The following NMNAT3 variants were observed in gnomAD, a reference collection of about 807,000 sequenced individuals.
NMNAT3 encodes the protein nicotinamide nucleotide adenylyltransferase 3, also known as nicotinamide/nicotinic acid mononucleotide adenylyltransferase 3.
NMNAT3 carries 21 observed loss-of-function variants against 24.8 expected under a neutral mutation model. The ratio of observed to expected loss-of-function variants is 0.85; its 90% CI spans 0.60 to 1.22. NMNAT3 has a LOEUF of 1.22. NMNAT3 is among the 50% of genes most tolerant of loss of function. The pLI, the probability that NMNAT3 is intolerant of heterozygous loss-of-function variation, is 0.00. For missense variants in NMNAT3, 387 were observed against 436.6 expected (o/e 0.89, Z 1.01); for synonymous variants, 136 against 155.2 (o/e 0.88, Z 0.92).
chr3:139,630,535 C>T (rs567036272), intron 2 of NMNAT3, among the ~76,000 whole-genome samples: 1 of 152,276 alleles, frequency 6.6e-6, no homozygotes, highest in South Asian at 2.1e-4. Flanking sequence ...ACAGTAAACC[C>T]TTTAGGAAGG....
intron 5 of NMNAT3, among the ~76,000 whole-genome samples, chr3:139,575,114 C>T (rs1004700836): frequency 6.6e-6 from 1 of 152,130 alleles, no homozygotes; most frequent in African/African-American, 2.4e-5. Context: ...TGAAAAGGGA[C>T]CCCACGGAAT....
chr3:139,654,026 A>G (rs1197390305), intron 1 of NMNAT3, among the ~76,000 whole-genome samples: 2 of 152,192 alleles, frequency 1.3e-5, no homozygotes, highest in African/African-American at 2.4e-5. Context: ...AGTAGAGTAC[A>G]GAGCACACAC....
At chr3:139,596,947 TATATATATATATATATA>T (rs1559891127) in intron 3 of NMNAT3, among the ~76,000 whole-genome samples, 34 of 129,330 alleles carry the variant, frequency 2.6e-4, no homozygotes, top group East Asian at 4.2e-4. Flanking sequence ...TATATATATA[TATATATATATATATATA>T]TTTTTATTAC....
At chr3:139,604,487 T>C (rs944791992) in intron 3 of NMNAT3, among the ~76,000 whole-genome samples, 11 of 152,234 alleles carry the variant, frequency 7.2e-5, no homozygotes, top group African/African-American at 2.7e-4. Context: ...ACATATACTC[T>C]CTTTAATCCT....
At position 139,658,665 on chromosome 3, in the gene NMNAT3, T is replaced by G. The variant is rs1193754442; in HGVS notation, c.-141+19040A>C. On this transcript the variant is annotated intron_variant, in intron 1 of 6. Transcript: ENST00000643695. The stretch of plus-strand genomic sequence containing the variant: ...CCTCTATCCATTTGGCAATCTCGCT[T>G]ACTGTTTTTGATGCCTTTCAAAAGA... Among the ~76,000 whole-genome samples, 3 of 152,346 alleles carry G rather than the reference T, an allele frequency of 2.0e-5. No homozygotes were observed. The East Asian group carries it at 5.8e-4, about 29-fold the overall frequency.
chr3:139,600,249 A>G (rs1050588860), intron 3 of NMNAT3, among the ~76,000 whole-genome samples: 1 of 152,078 alleles, frequency 6.6e-6, no homozygotes, highest in Non-Finnish European at 1.5e-5. Context: ...CAAAGTAAAC[A>G]ACAAAGCAGC....
chr3:139,583,272 C>T (rs2053751712), intron 3 of NMNAT3: 9 of 1,238,270 alleles, frequency 7.3e-6, no homozygotes, highest in Non-Finnish European at 9.5e-6. Flanking sequence ...GCATGTATAG[C>T]AGTACTTTTA....
At chr3:139,572,733 TA>T (rs1938595364) in intron 6 of NMNAT3, among the ~76,000 whole-genome samples, 1 of 152,232 alleles carries the variant, frequency 6.6e-6, no homozygotes. Flanking sequence ...GTTCCATACT[TA>T]AAAAAATGGT....
intron 3 of NMNAT3, among the ~76,000 whole-genome samples, chr3:139,626,916 T>C (rs1460355520): frequency 6.6e-6 from 1 of 152,114 alleles, no homozygotes; most frequent in Non-Finnish European, 1.5e-5. Context: ...AAAATACATA[T>C]ATGAATACAT....
At chr3:139,624,471 A>T (rs1207151307) in intron 3 of NMNAT3, among the ~76,000 whole-genome samples, 1 of 150,674 alleles carries the variant, frequency 6.6e-6, no homozygotes, top group Non-Finnish European at 1.5e-5. Context: ...TTTTTGAGAC[A>T]GAGTCTCGCT....
At chr3:139,649,873 C>A (rs372320015) in intron 1 of NMNAT3, among the ~76,000 whole-genome samples, 3 of 152,210 alleles carry the variant, frequency 2.0e-5, no homozygotes, top group African/African-American at 7.2e-5. Context: ...AACTGCACAC[C>A]CCAAAGGCAT....
intron 1 of NMNAT3, among the ~76,000 whole-genome samples, chr3:139,667,936 C>G (rs1393673467): frequency 6.6e-6 from 1 of 152,152 alleles, no homozygotes; most frequent in Non-Finnish European, 1.5e-5. Context: ...AGAAAGCATT[C>G]AACAGGCTGC....
In NMNAT3 at chr3:139,596,916, GTATATATATATATATATATATA is replaced by G. The variant is rs58824425; in HGVS notation, c.110-13730_110-13709del. ...TTTCCACTATATTTTTGTCATGTGT[GTATATATATATATATATATATA>G]TATATATATATATATATATATATAT... On this transcript the variant is annotated intron_variant, in intron 3 of 6. Coordinates refer to ENST00000643695, the MANE Select transcript of NMNAT3 (RefSeq NM_001320510.2). Among the ~76,000 whole-genome samples, 610 of 97,196 alleles carry G rather than the reference GTATATATATATATATATATATA, an allele frequency of 6.3e-3. 21 individuals are homozygous for G. Among genetic ancestry groups the G allele is most frequent in the African/African-American group, 0.014 (332 of 24,264 alleles). The allele number at this position is 97,196 out of a possible 152,430, so 63.8% of individuals were successfully genotyped here.
intron 3 of NMNAT3, among the ~76,000 whole-genome samples, chr3:139,600,563 T>G (rs2054669820): frequency 6.6e-6 from 1 of 152,096 alleles, no homozygotes; most frequent in Non-Finnish European, 1.5e-5. Context: ...CCACCTTGGC[T>G]TCCCAAAGTG....
intron 6 of NMNAT3, chr3:139,567,817 C>A (rs1284968065): frequency 6.6e-6 from 1 of 152,110 alleles, no homozygotes; most frequent in African/African-American, 2.4e-5. Flanking sequence ...TTTGTTGTGT[C>A]TCTGCCAGGC....
intron 6 of NMNAT3, among the ~76,000 whole-genome samples, chr3:139,562,441 A>ATTCT (rs1352618910): frequency 6.6e-6 from 1 of 152,192 alleles, no homozygotes; most frequent in Non-Finnish European, 1.5e-5. Flanking sequence ...AGGGTCTCTG[A>ATTCT]TTCTTCCAGA....
intron 1 of NMNAT3, among the ~76,000 whole-genome samples, chr3:139,642,469 G>A (rs1356413664): frequency 1.3e-5 from 2 of 152,210 alleles, no homozygotes; most frequent in African/African-American, 4.8e-5. Context: ...TGCCTGAGGA[G>A]GCCTTGGTGT....
chr3:139,674,760 G>A (rs2057870969), intron 1 of NMNAT3, among the ~76,000 whole-genome samples: 1 of 152,112 alleles, frequency 6.6e-6, no homozygotes, highest in South Asian at 2.1e-4. Context: ...CCACCCTTCT[G>A]TGCCTAGGGC....
At chr3:139,645,586 C>T (rs1427005112) in intron 1 of NMNAT3, among the ~76,000 whole-genome samples, 1 of 152,118 alleles carries the variant, frequency 6.6e-6, no homozygotes, top group Non-Finnish European at 1.5e-5. Context: ...GCCATCATAC[C>T]TGTGCTCCAG....
Sources: allele counts gnomAD v4.1 joint callset (sites outside exome capture counted in the v4.1 genomes callset), GRCh38; gene constraint gnomAD v4.1.1; transcripts MANE v1.5; gene names NCBI Gene and HGNC (gene_info 2026-07-23, HGNC 2026-07-21).